FAM111A: variants seen among roughly 807,000 people sequenced by gnomAD.
FAM111A encodes the protein FAM111 trypsin like peptidase A.
FAM111A carries 8 observed loss-of-function variants against 3.3 expected under a neutral mutation model. The observed-to-expected ratio is 2.39, with a 90% CI of 1.40 to 4.32. The LOEUF is 4.32. Among genes scored for constraint, FAM111A ranks in the 30% most tolerant of loss-of-function variants. The probability of loss-of-function intolerance (pLI) is 0.00; values close to 1 mark genes in which losing one functional copy is unlikely to be tolerated. For missense variants in FAM111A, 683 were observed against 727.6 expected (o/e 0.94, Z 0.71); for synonymous variants, 227 against 243.1 (o/e 0.93, Z 0.62).
At position 59,153,227 on chromosome 11, in the gene FAM111A, T is replaced by C; in HGVS notation, c.1559T>C (p.Phe520Ser). Residue 520 changes from phenylalanine (F) to serine (S), a missense_variant, in exon 6 of 6, where the codon TTC becomes TCC. Coordinates refer to ENST00000675163, the MANE Select transcript of FAM111A (RefSeq NM_001312909.2). ...EYVHMYTQRS[F>S]QKIVHNPDVI... ...GTCCATATGTATACTCAAAGAAGTT[T>C]CCAGAAAATAGTTCACAACCCTGAT... 1 of 1,614,210 alleles carries C rather than the reference T, an allele frequency of 6.2e-7. No homozygotes were observed. Among genetic ancestry groups the C allele is most frequent in the Non-Finnish European group, 8.5e-7 (1 of 1,180,030 alleles).
Position 59,152,037 on chromosome 11 carries a change from C to G in FAM111A, c.369C>G (p.Gly123=). ...GAAAAGAGATAGAAACTCACCAAGG[C>G]CAAGAAATGCTTGTGCGTGGCACAG... is the stretch of plus-strand genomic sequence containing the variant. ...AVRKEIETHQ[G]QEMLVRGTEG... is the part of the protein sequence containing the mutation. The change falls in exon 6 of 6, where the codon GGC becomes GGG. Residue 123 remains glycine, a synonymous_variant. Transcript: ENST00000675163. The G allele has an allele frequency of 6.2e-7, 1 of 1,614,182 alleles. No individual in the cohort carries two copies. The highest frequency in any genetic ancestry group is 8.5e-7 in the Non-Finnish European group (1 of 1,180,032).
chr11:59,152,005 G>A lies in FAM111A; in HGVS notation c.337G>A (p.Ala113Thr). 6.2e-7 allele frequency: 1 copy of A among 1,614,186 alleles called. No homozygotes were observed. The highest frequency in any genetic ancestry group is 1.6e-4 in the Middle Eastern group (1 of 6,062). The change falls in exon 6 of 6, where the codon GCT becomes ACT. Residue 113 changes from alanine to threonine, a missense_variant. Coordinates refer to ENST00000675163, the MANE Select transcript of FAM111A (RefSeq NM_001312909.2). ...ATATATGGCTCTCAACACTCTCCAG[G>A]CTGTCAGAAAAGAGATAGAAACTCA... Reference protein sequence around the residue: ...SLYMALNTLQAVRKEIETHQG... With the variant: ...SLYMALNTLQTVRKEIETHQG...
In FAM111A at chr11:59,153,401, T is replaced by C; in HGVS notation, c.1733T>C (p.Met578Thr). 1.2e-6 allele frequency: 2 copies of C among 1,614,122 alleles called. No homozygotes were observed. The highest frequency in any genetic ancestry group is 2.2e-5 in the East Asian group (1 of 44,890). ...AGTATCATTGAGTTTGGCTCTACCA[T>C]GGAATCCATCCTCCTTGATATTAAG... ...TRSIIEFGST[M>T]ESILLDIKQR... Residue 578 changes from methionine (M) to threonine (T), a missense_variant, in exon 6 of 6, where the codon ATG (methionine) becomes ACG (threonine). Transcript: ENST00000675163.
At chr11:59,145,081 T>C (rs1297140893) in intron 3 of FAM111A, 2 of 152,452 alleles carry the variant, frequency 1.3e-5, no homozygotes. Context: ...CAAGTCCCCT[T>C]GTGTGCTGGG....
In FAM111A at chr11:59,151,763, A is replaced by G; in HGVS notation, c.95A>G (p.Gln32Arg). 6.3e-7 allele frequency: 1 copy of G among 1,584,832 alleles called. No homozygotes were observed. The highest frequency in any genetic ancestry group is 8.5e-7 in the Non-Finnish European group (1 of 1,171,456). Residue 32 changes from glutamine (Q) to arginine (R), a missense_variant, in exon 6 of 6, where the codon CAA (glutamine) becomes CGA (arginine). Physicochemically the swap from Gln to Arg is conservative, Grantham distance 43 (BLOSUM62 1). Around this residue, in one of 3 missense-constraint regions of FAM111A, gnomAD observed 557 missense variants for 600.2 expected, o/e 0.93. Transcript: ENST00000675163. ...EHYFSPVSKE[Q>R]QNNCSTSLMR... ...ATTTATTTTTAGGTCTCTAAAGAGC[A>G]ACAGAATAATTGCAGTACTTCTCTA... is the stretch of plus-strand genomic sequence containing the variant.
chr11:59,143,958 T>A (rs1860488756), intron 3 of FAM111A: 1 of 152,194 alleles, frequency 6.6e-6, no homozygotes, highest in Non-Finnish European at 1.5e-5. Context: ...CTAGCCTTGT[T>A]TTATCTACCA....
At position 59,153,055 on chromosome 11, in the gene FAM111A, G is replaced by A; in HGVS notation, c.1387G>A (p.Val463Met). The A allele has an allele frequency of 6.2e-7, 1 of 1,614,144 alleles. No individual in the cohort carries two copies. The highest frequency in any genetic ancestry group is 8.5e-7 in the Non-Finnish European group (1 of 1,180,030). Residue 463 changes from valine to methionine, a missense_variant, in exon 6 of 6, where the codon GTG becomes ATG. By Grantham distance (21) the Val-to-Met change is conservative (BLOSUM62 1). Coordinates refer to ENST00000675163, the MANE Select transcript of FAM111A (RefSeq NM_001312909.2). The part of the protein sequence containing the change: ...PMELYNGITP[V>M]PLSGLIHIIG... ...GGAACTATATAATGGAATTACTCCT[G>A]TGCCACTTAGTGGGTTGATACATAT...
Position 59,153,913 on chromosome 11 carries a change from C to A in FAM111A, c.*409C>A, listed in dbSNP as rs1213565754. 1 of 151,604 alleles carries A rather than the reference C, an allele frequency of 6.6e-6. No individual in the cohort carries two copies. The highest frequency in any genetic ancestry group is 1.9e-4 in the East Asian group (1 of 5,190). 9.4% of individuals were successfully genotyped at this position (151,604 alleles called of 1,614,324 possible). The stretch of plus-strand genomic sequence containing the variant: ...TATTTTTAGTAGAGACAGGGTTTCA[C>A]CATGTTGGTCAGGCGGGTCTCGAAC... On this transcript the variant is annotated 3_prime_UTR_variant, in exon 6 of 6. Transcript: ENST00000675163.
At chr11:59,145,552 T>C (rs1565198866) in intron 3 of FAM111A, 1 of 152,226 alleles carries the variant, frequency 6.6e-6, no homozygotes, top group East Asian at 1.9e-4. Flanking sequence ...TATTGGAGTG[T>C]TTTCTTAACC....
intron 5 of FAM111A, among the ~76,000 whole-genome samples, chr11:59,150,884 G>A (rs543670926): frequency 1.3e-5 from 2 of 150,984 alleles, no homozygotes; most frequent in African/African-American, 4.9e-5. Context: ...TGATGTAATA[G>A]AGAAAATAGA....
At chr11:59,149,124 C>A (rs1441145379) in intron 5 of FAM111A, 171 bp downstream of exon 5, 11 of 583,938 alleles carry the variant, frequency 1.9e-5, no homozygotes, top group Non-Finnish European at 2.1e-5. Context: ...TTTAAATCAT[C>A]TCTGGATTAT....
intron 1 of FAM111A, 45 bp from the exon 2 acceptor site, chr11:59,143,038 C>G (rs906469008): frequency 6.6e-6 from 1 of 152,312 alleles, no homozygotes; most frequent in Non-Finnish European, 1.5e-5. Flanking sequence ...TAGGCGCGCC[C>G]CCTCGGCCTT....
At position 59,152,138 on chromosome 11, in the gene FAM111A, T is replaced by G. The variant is rs762866905; in HGVS notation, c.470T>G (p.Phe157Cys). 2 of 1,614,122 alleles carry G rather than the reference T, an allele frequency of 1.2e-6. No homozygotes were observed. Among genetic ancestry groups the G allele is most frequent in the Non-Finnish European group, 1.7e-6 (2 of 1,180,034 alleles). The change falls in exon 6 of 6, where the codon TTT (phenylalanine) becomes TGT (cysteine). Residue 157 changes from phenylalanine (F) to cysteine (C), a missense_variant. This residue lies in a region of FAM111A where 557 missense variants were observed against 600.2 expected (regional missense o/e 0.93). Coordinates refer to ENST00000675163, the MANE Select transcript of FAM111A (RefSeq NM_001312909.2). ...FPEGGQVVITFSQSKSKQKED... is the reference protein window; with the variant it reads ...FPEGGQVVITCSQSKSKQKED... ...GAAGGTGGCCAGGTGGTCATTACAT[T>G]TTCCCAAAGTAAAAGTAAGCAGAAG...
intron 4 of FAM111A, among the ~76,000 whole-genome samples, 161 bp downstream of exon 4, chr11:59,146,017 A>G (rs1860831873): frequency 1.3e-5 from 2 of 151,414 alleles, no homozygotes; most frequent in Non-Finnish European, 2.9e-5. Context: ...GATAGATTGC[A>G]TATATAATAT....
At chr11:59,151,115 TAAAC>T (rs1423706776) in intron 5 of FAM111A, among the ~76,000 whole-genome samples, 1 of 152,172 alleles carries the variant, frequency 6.6e-6, no homozygotes, top group South Asian at 2.1e-4. Context: ...CTGAAGATAA[TAAAC>T]AAGTCCTGAA....
chr11:59,148,827 T>C lies in FAM111A; in HGVS notation c.-46T>C. 1 of 1,389,484 alleles carries C rather than the reference T, an allele frequency of 7.2e-7. No individual in the cohort carries two copies. The highest frequency in any genetic ancestry group is 1.0e-6 in the Non-Finnish European group (1 of 976,788). 86.1% of individuals were successfully genotyped at this position (1,389,484 alleles called of 1,614,324 possible). On this transcript the variant is annotated 5_prime_UTR_variant, in exon 5 of 6. Coordinates refer to ENST00000675163, the MANE Select transcript of FAM111A (RefSeq NM_001312909.2). ...AAGATACTGCTATAATTTGAAAATTTGAAATTAGTGTTTCAGCTGAACCAT... is the reference window on the plus strand; with the variant it reads ...AAGATACTGCTATAATTTGAAAATTCGAAATTAGTGTTTCAGCTGAACCAT...
intron 5 of FAM111A, 75 bp downstream of exon 5, chr11:59,149,028 T>G: frequency 9.6e-7 from 1 of 1,036,834 alleles, no homozygotes; most frequent in Non-Finnish European, 1.5e-6. Flanking sequence ...AGGACCTCTC[T>G]TGGATACCAA....
At chr11:59,144,463 G>A (rs749711351) in intron 3 of FAM111A, 3 of 152,200 alleles carry the variant, frequency 2.0e-5, no homozygotes, top group Non-Finnish European at 2.9e-5. Flanking sequence ...TTTAGGCTTG[G>A]TGAAAAATCT....
Position 59,153,671 on chromosome 11 carries a change from C to A in FAM111A, c.*167C>A. ...AAGCACATGAAGAAATTAGTCCTAA[C>A]AACACTATGAGATGGACTATAACTT... On this transcript the variant is annotated 3_prime_UTR_variant, in exon 6 of 6. Transcript: ENST00000675163. The A allele has an allele frequency of 1.7e-6, 1 of 580,914 alleles. No individual in the cohort carries two copies. 36.0% of individuals were successfully genotyped at this position (580,914 alleles called of 1,614,324 possible). A position where few individuals can be genotyped will look rare whatever the true frequency, so the allele number is the denominator to read the frequency against.
Sources: gnomAD v4.1 joint callset for allele counts (sites outside exome capture counted in the v4.1 genomes callset) on GRCh38, gnomAD v4.1.1 for gene constraint, gnomAD v4.1.1 regional missense constraint, MANE v1.5 for transcripts, NCBI Gene and HGNC (gene_info 2026-07-23, HGNC 2026-07-21) for gene names.